Variants in CELF2 observed in about 807,000 individuals in gnomAD.
The protein encoded by CELF2 is CUG triplet repeat RNA-binding protein 2.
CELF2 carries 8 observed loss-of-function variants against 62.6 expected under a neutral mutation model. That is an observed-to-expected ratio of 0.13 (90% CI 0.07 to 0.23). CELF2 has a LOEUF of 0.23. CELF2 is among the 10% of genes least tolerant of loss of function. The probability of loss-of-function intolerance (pLI) is 1.00; values close to 1 mark genes in which losing one functional copy is unlikely to be tolerated. For missense variants in CELF2, 333 were observed against 671.0 expected, an observed-to-expected ratio of 0.50 and a Z score of 5.56; for synonymous variants, 258 against 250.0, an observed-to-expected ratio of 1.03 and a Z score of -0.30.
chr10:10,539,174 G>A, the CELF2 span, among the ~76,000 whole-genome samples: 1 of 152,198 alleles, frequency 6.6e-6, no homozygotes, highest in Non-Finnish European at 1.5e-5. Flanking sequence ...GTAGCTATGA[G>A]ATTTAGAGAT....
chr10:11,315,087 C>T lies in CELF2; in HGVS notation c.1096+829C>T, dbSNP rs985038526. On this transcript the variant is annotated intron_variant, in intron 10 of 12. Coordinates refer to ENST00000633077, the MANE Select transcript of CELF2 (RefSeq NM_001326342.2). This position sits in a 1 kb window ranked among gnomAD's most constrained non-coding sequence, Gnocchi z 5.8. ...CTCGGTTGATGGGGGAGCAGTGTGC[C>T]GGCCAGAGGATAAGTCGTGTTTTAG... Among the ~76,000 whole-genome samples, 11 of 152,126 alleles carry T rather than the reference C, an allele frequency of 7.2e-5. No homozygotes were observed. Among genetic ancestry groups the T allele is most frequent in the South Asian group, 4.1e-4 (2 of 4,824 alleles).
At chr10:10,673,758 T>C in the CELF2 span, among the ~76,000 whole-genome samples, 1 of 152,200 alleles carries the variant, frequency 6.6e-6, no homozygotes, top group African/African-American at 2.4e-5. Flanking sequence ...TGGCTCAAAA[T>C]GTTTTTTAAA....
chr10:10,566,113 C>G, the CELF2 span, among the ~76,000 whole-genome samples: 1 of 152,158 alleles, frequency 6.6e-6, no homozygotes, highest in Non-Finnish European at 1.5e-5. Context: ...GGACACAAAA[C>G]AGAACCATGC....
At chr10:11,197,915 G>A (rs1168960256) in intron 2 of CELF2, among the ~76,000 whole-genome samples, 2 of 152,154 alleles carry the variant, frequency 1.3e-5, no homozygotes. Flanking sequence ...ATGTATTTTT[G>A]TGGCAGCTTC....
At chr10:10,609,739 G>C in the CELF2 span, among the ~76,000 whole-genome samples, 1 of 152,174 alleles carries the variant, frequency 6.6e-6, no homozygotes, top group Non-Finnish European at 1.5e-5. Flanking sequence ...GGGGATTGCT[G>C]TAATCACATT....
intron 2 of CELF2, among the ~76,000 whole-genome samples, chr10:10,973,961 C>T (rs149159783): frequency 6.6e-6 from 1 of 152,176 alleles, no homozygotes; most frequent in South Asian, 2.1e-4. Context: ...ACCTTTCCCC[C>T]ACATCATTCT....
intron 1 of CELF2, among the ~76,000 whole-genome samples, chr10:11,074,037 GT>G (rs528492865): frequency 3.2e-4 from 48 of 152,306 alleles, no homozygotes; most frequent in African/African-American, 1.2e-3. Context: ...GTCTGTAGTT[GT>G]TATCAGAAGT....
intron 1 of CELF2, among the ~76,000 whole-genome samples, chr10:10,802,100 G>GA (rs1383797062): frequency 6.6e-6 from 1 of 151,972 alleles, no homozygotes; most frequent in Non-Finnish European, 1.5e-5. Flanking sequence ...TGCATTCAAA[G>GA]AAAAAAATTC....
chr10:10,576,750 C>T, the CELF2 span, among the ~76,000 whole-genome samples: 5,611 of 152,270 alleles, frequency 0.037, 329 homozygotes, highest in African/African-American at 0.13. Context: ...TTCTCTCATT[C>T]TTCATCCACT....
upstream of CELF2, among the ~76,000 whole-genome samples, chr10:11,016,618 G>A (rs1254333711): frequency 2.6e-5 from 4 of 152,186 alleles, no homozygotes; most frequent in African/African-American, 9.7e-5. This position sits in a 1 kb window ranked among gnomAD's most constrained non-coding sequence, Gnocchi z 5.2. Context: ...ATCATATTTT[G>A]TCTATATCAT....
chr10:10,613,621 A>G, the CELF2 span, among the ~76,000 whole-genome samples: 17 of 152,320 alleles, frequency 1.1e-4, no homozygotes, highest in Admixed American at 1.1e-3. Context: ...CCCCTTCGTT[A>G]CAATTAACTT....
chr10:10,919,289 GA>G (rs2064654942), intron 1 of CELF2, among the ~76,000 whole-genome samples: 2 of 151,714 alleles, frequency 1.3e-5, no homozygotes, highest in Admixed American at 1.3e-4. Flanking sequence ...AAGAAAGAAA[GA>G]AAACGAAAGA....
chr10:10,883,230 A>AT (rs2061546278), intron 1 of CELF2, among the ~76,000 whole-genome samples: 1 of 152,220 alleles, frequency 6.6e-6, no homozygotes, highest in Non-Finnish European at 1.5e-5. Context: ...AGGAGCAAAT[A>AT]TGTACATGTT....
At chr10:10,815,111 T>A (rs531067027) in intron 1 of CELF2, among the ~76,000 whole-genome samples, 1 of 152,336 alleles carries the variant, frequency 6.6e-6, no homozygotes, top group Non-Finnish European at 1.5e-5. Flanking sequence ...GCAGAATTTA[T>A]CTTAAAGACT....
the CELF2 span, among the ~76,000 whole-genome samples, chr10:10,668,472 C>T: frequency 5.9e-5 from 9 of 152,284 alleles, no homozygotes; most frequent in Admixed American, 1.3e-4. Flanking sequence ...TTCCATGGTA[C>T]GAATTTCTGA....
chr10:11,166,374 G>T (rs1596476842), intron 2 of CELF2, among the ~76,000 whole-genome samples: 1 of 152,308 alleles, frequency 6.6e-6, no homozygotes, highest in East Asian at 1.9e-4. Context: ...ATTTTAAGAT[G>T]ACGGTGATGG....
intron 2 of CELF2, among the ~76,000 whole-genome samples, chr10:10,949,954 C>T (rs1484720524): frequency 9.9e-5 from 15 of 151,746 alleles, no homozygotes; most frequent in Admixed American, 9.8e-4. Context: ...GTCGATGGAA[C>T]TTTGCCTTTT....
At chr10:11,139,916 C>T (rs1039220263) in intron 1 of CELF2, among the ~76,000 whole-genome samples, 1 of 151,976 alleles carries the variant, frequency 6.6e-6, no homozygotes, top group Non-Finnish European at 1.5e-5. Context: ...CTCTCATCGG[C>T]TCATTTCTCT....
chr10:11,259,923 T>G (rs1449446980), intron 5 of CELF2, among the ~76,000 whole-genome samples: 1 of 152,238 alleles, frequency 6.6e-6, no homozygotes, highest in Non-Finnish European at 1.5e-5. Flanking sequence ...ATCCCTGTTA[T>G]CTCCTGTTGT....
Sources: gnomAD v4.1 joint callset for allele counts (sites outside exome capture counted in the v4.1 genomes callset) on GRCh38, gnomAD v4.1.1 for gene constraint, Gnocchi (gnomAD v3.1) non-coding constraint, MANE v1.5 for transcripts, NCBI Gene and HGNC (gene_info 2026-07-23, HGNC 2026-07-21) for gene names.